NFASC: variants seen among roughly 807,000 people sequenced by gnomAD.
NFASC encodes the protein neurofascin homolog.
A neutral mutation model predicts 147.5 loss-of-function variants in NFASC; 43 were observed. That is an observed-to-expected ratio of 0.29 (90% CI 0.23 to 0.38). The LOEUF (loss-of-function observed/expected upper bound fraction) is 0.38, where lower values mean the gene tolerates loss of function less well. Ranked by LOEUF, NFASC falls within the 10% of genes least tolerant of loss-of-function variation. The pLI is 1.00. For missense variants in NFASC, 1,320 were observed against 1,689.0 expected, an observed-to-expected ratio of 0.78 and a Z score of 3.83; for synonymous variants, 622 against 665.5, an observed-to-expected ratio of 0.93 and a Z score of 1.01.
chr1:204,974,352 A>G, intron 13 of NFASC, 62 bp downstream of exon 13: 1 of 1,299,596 alleles, frequency 7.7e-7, no homozygotes, highest in Non-Finnish European at 1.1e-6. Flanking sequence ...TCTCCTTCCC[A>G]TCTGGCCCAT....
At chr1:204,845,295 CAA>C (rs35773017) in intron 1 of NFASC, among the ~76,000 whole-genome samples, 1 of 140,530 alleles carries the variant, frequency 7.1e-6, no homozygotes, top group Admixed American at 7.1e-5. Flanking sequence ...TACTAAAATA[CAA>C]AAAAAAAAAA....
At chr1:204,976,188 T>G (rs6656887) in intron 15 of NFASC, among the ~76,000 whole-genome samples, 1 of 150,224 alleles carries the variant, frequency 6.7e-6, no homozygotes, top group Non-Finnish European at 1.5e-5. Context: ...ACAGCCCCAT[T>G]CTGCTCTGTG....
chr1:204,902,678 T>C (rs1386483339), intron 1 of NFASC, among the ~76,000 whole-genome samples: 2 of 152,144 alleles, frequency 1.3e-5, no homozygotes, highest in Non-Finnish European at 2.9e-5. Context: ...ATTGTTGAAG[T>C]TGGCTGATGT....
rs2095083837 is a variant in NFASC, at chr1:204,968,647, C to T, written c.819-151C>T. 5 of 699,180 alleles carry T rather than the reference C, an allele frequency of 7.2e-6. No homozygotes were observed. In the South Asian group the frequency reaches 9.7e-5, roughly 14 times the overall value. The allele number at this position is 699,180 out of a possible 1,614,324, so 43.3% of individuals were successfully genotyped here. A position where few individuals can be genotyped will look rare whatever the true frequency, so the allele number is the denominator to read the frequency against. ...TTCAGGCTCTCTGTGGCTGAGCATC[C>T]TCCTCTGCACAGGAAAGATCAGCTT... On this transcript the variant is annotated intron_variant, in intron 9 of 29. Coordinates refer to ENST00000339876, the MANE Select transcript of NFASC (RefSeq NM_001005388.3). This position sits in a 1 kb window ranked among gnomAD's most constrained non-coding sequence, Gnocchi z 5.4.
At chr1:204,940,804 C>T (rs2093315291) in intron 2 of NFASC, among the ~76,000 whole-genome samples, 1 of 152,194 alleles carries the variant, frequency 6.6e-6, no homozygotes, top group African/African-American at 2.4e-5. Context: ...AGTCATATTC[C>T]AGGGTATATA....
intron 1 of NFASC, among the ~76,000 whole-genome samples, chr1:204,879,810 A>T (rs2079783327): frequency 6.6e-6 from 1 of 152,208 alleles, no homozygotes; most frequent in Non-Finnish European, 1.5e-5. Flanking sequence ...TTAAAAGAAG[A>T]TTTAGCATCT....
At chr1:204,996,736 C>T (rs932543705) in intron 24 of NFASC, among the ~76,000 whole-genome samples, 4 of 152,224 alleles carry the variant, frequency 2.6e-5, no homozygotes, top group African/African-American at 9.6e-5. Flanking sequence ...GGACAGGGCC[C>T]CACCGCCTGC....
rs1166296986 is a variant in NFASC at position 204,954,812 on chromosome 1, T to C, written c.413-17T>C. The C allele has an allele frequency of 6.2e-7, 1 of 1,613,842 alleles. No individual in the cohort carries two copies. The highest frequency in any genetic ancestry group is 1.3e-5 in the African/African-American group (1 of 74,922). On this transcript the variant is annotated splice_polypyrimidine_tract_variant and intron_variant, in intron 6 of 29. Coordinates refer to ENST00000339876, the MANE Select transcript of NFASC (RefSeq NM_001005388.3). This position sits in a 1 kb window ranked among gnomAD's most constrained non-coding sequence, Gnocchi z 5.7. ...GCCATCACCCTCACTTTATCCTCTT[T>C]GTCCACTTCTCTCCAGAATCTCCTC...
chr1:204,910,010 G>C (rs1187630384), intron 1 of NFASC, among the ~76,000 whole-genome samples: 1 of 151,536 alleles, frequency 6.6e-6, no homozygotes, highest in Non-Finnish European at 1.5e-5. Flanking sequence ...CTTTAAATTG[G>C]GTAGACTGAT....
chr1:204,927,332 C>T (rs944442153), intron 2 of NFASC, among the ~76,000 whole-genome samples: 9 of 152,168 alleles, frequency 5.9e-5, no homozygotes, highest in African/African-American at 1.9e-4. Context: ...ATACAATATG[C>T]GGTCTTTGTG....
chr1:204,832,454 A>G (rs920643287), intron 1 of NFASC, among the ~76,000 whole-genome samples: 2 of 152,116 alleles, frequency 1.3e-5, no homozygotes, highest in African/African-American at 4.8e-5. Flanking sequence ...ATTTGGCATT[A>G]TGGGGAGGTC....
At chr1:204,941,014 A>G (rs1315906832) in intron 2 of NFASC, among the ~76,000 whole-genome samples, 1 of 152,238 alleles carries the variant, frequency 6.6e-6, no homozygotes, top group Non-Finnish European at 1.5e-5. Flanking sequence ...AGGAACTGCC[A>G]AACTATACAT....
At chr1:204,969,538 C>T (rs2095136858) in intron 10 of NFASC, among the ~76,000 whole-genome samples, 1 of 152,186 alleles carries the variant, frequency 6.6e-6, no homozygotes, top group Non-Finnish European at 1.5e-5. Flanking sequence ...TGGCCTGGGG[C>T]TGTATGGATG....
rs77159058 is a variant in NFASC at position 204,976,914 on chromosome 1, G to T, written c.1831+119G>T. On this transcript the variant is annotated intron_variant, in intron 16 of 29. Transcript: ENST00000339876. ...CTGCAGTCAAGTGGCCGGGTCAGGC[G>T]TGGTGATCTCTTCTTGCCTCGTGAT... 381 of 1,485,390 alleles carry T rather than the reference G, an allele frequency of 2.6e-4. 2 individuals are homozygous for T. In the African/African-American group the frequency reaches 4.7e-3, roughly 18 times the overall value. The allele number at this position is 1,485,390 out of a possible 1,614,324, so 92.0% of individuals were successfully genotyped here.
chr1:204,997,045 G>T, intron 24 of NFASC, 125 bp from the exon 25 acceptor site: 1 of 1,456,400 alleles, frequency 6.9e-7, no homozygotes, highest in East Asian at 2.3e-5. Flanking sequence ...GTTATGCTTG[G>T]GGAGGCTCCT....
rs1039120791 is a variant in NFASC, at chr1:204,968,540, A to G, written c.818+180A>G. ...TAGTCATCTCCATCCTATCCTGGCCATCTCTGTTTTGGATAATGAGGAAAG... is the reference window on the plus strand; with the variant it reads ...TAGTCATCTCCATCCTATCCTGGCCGTCTCTGTTTTGGATAATGAGGAAAG... On this transcript the variant is annotated intron_variant, in intron 9 of 29. Transcript: ENST00000339876. This position sits in a 1 kb window ranked among gnomAD's most constrained non-coding sequence, Gnocchi z 5.4. The G allele has an allele frequency of 1.6e-6, 1 of 618,612 alleles. No individual in the cohort carries two copies. Among genetic ancestry groups the G allele is most frequent in the Non-Finnish European group, 2.8e-6 (1 of 352,198 alleles). 38.3% of individuals were successfully genotyped at this position (618,612 alleles called of 1,614,324 possible).
chr1:204,954,119 C>A lies in NFASC; in HGVS notation c.216-69C>A. The A allele has an allele frequency of 6.9e-7, 1 of 1,439,530 alleles. No individual in the cohort carries two copies. Among genetic ancestry groups the A allele is most frequent in the Non-Finnish European group, 9.7e-7 (1 of 1,026,044 alleles). 89.2% of individuals were successfully genotyped at this position (1,439,530 alleles called of 1,614,324 possible). ...TGGTACTGAGCCAGGGACTAGGGAT[C>A]TGAGATCTGCCTGGAGCCCAGAGCC... On this transcript the variant is annotated intron_variant, in intron 5 of 29. Coordinates refer to ENST00000339876, the MANE Select transcript of NFASC (RefSeq NM_001005388.3). The surrounding 1 kb of genome is among the most constrained non-coding windows in gnomAD (Gnocchi z 5.7).
intron 1 of NFASC, among the ~76,000 whole-genome samples, chr1:204,834,173 C>G (rs1359921794): frequency 6.6e-6 from 1 of 152,082 alleles, no homozygotes; most frequent in African/African-American, 2.4e-5. Context: ...CCACCCTCCC[C>G]CCACCTTCTC....
At position 204,986,089 on chromosome 1, in the gene NFASC, C is replaced by T; in HGVS notation, c.2471-1329C>T. 1 of 1,614,012 alleles carries T rather than the reference C, an allele frequency of 6.2e-7. No individual in the cohort carries two copies. On this transcript the variant is annotated intron_variant, in intron 21 of 29. Transcript: ENST00000339876. The surrounding 1 kb of genome is among the most constrained non-coding windows in gnomAD (Gnocchi z 4.2). ...GAGGTGATGGGCCTCGCAGTGAGAC[C>T]AAGGAGTTCACCACCCCGGAAGGAG...
Sources: allele counts gnomAD v4.1 joint callset (sites outside exome capture counted in the v4.1 genomes callset), GRCh38; gene constraint gnomAD v4.1.1; non-coding constraint Gnocchi (gnomAD v3.1); transcripts MANE v1.5; gene names NCBI Gene and HGNC (gene_info 2026-07-23, HGNC 2026-07-21).